Variants in TLN1 observed in about 807,000 individuals in gnomAD.
TLN1 encodes the protein talin 1.
Under a neutral mutation model 292.3 loss-of-function variants are expected in TLN1, and 56 were observed. The ratio of observed to expected loss-of-function variants is 0.19; its 90% CI spans 0.15 to 0.24. TLN1 has a LOEUF of 0.24. TLN1 is among the 10% of genes least tolerant of loss of function. The pLI, the probability that TLN1 is intolerant of heterozygous loss-of-function variation, is 1.00. For synonymous variants in TLN1, 1,119 were observed against 1,253.7 expected, an observed-to-expected ratio of 0.89 and a Z score of 2.27; for missense variants, 2,433 against 3,248.2, an observed-to-expected ratio of 0.75 and a Z score of 6.10.
Position 35,699,611 on chromosome 9 carries a change from C to T in TLN1, c.6769-150G>A, listed in dbSNP as rs1380907308. ...ACTCCACGCTGCCTATCCAAGTACA[C>T]ATCATGCATCACACCTCACACGTGA... On this transcript the variant is annotated intron_variant, in intron 50 of 56. Transcript: ENST00000314888. This position sits in a 1 kb window ranked among gnomAD's most constrained non-coding sequence, Gnocchi z 4.0. 2.1e-6 allele frequency: 3 copies of T among 1,426,578 alleles called. No individual in the cohort carries two copies. In the East Asian group the frequency reaches 7.6e-5, roughly 36 times the overall value. 88.4% of individuals were successfully genotyped at this position (1,426,578 alleles called of 1,614,324 possible). A position where few individuals can be genotyped will look rare whatever the true frequency, so the allele number is the denominator to read the frequency against.
chr9:35,706,941 T>C lies in TLN1; in HGVS notation c.4956-41A>G, dbSNP rs1377247425. ...GGGCTCCAACACCAAGAACATCCCC[T>C]ACTGCAAGGCCAGCCTATCCTTCCC... On this transcript the variant is annotated intron_variant, in intron 37 of 56. Transcript: ENST00000314888. The surrounding 1 kb of genome is among the most constrained non-coding windows in gnomAD (Gnocchi z 4.2). 5.6e-6 allele frequency: 9 copies of C among 1,611,126 alleles called. No homozygotes were observed. Among genetic ancestry groups the C allele is most frequent in the African/African-American group, 1.3e-5 (1 of 74,760 alleles).
In TLN1 at chr9:35,724,893, T is replaced by C; in HGVS notation, c.295A>G (p.Thr99Ala). 1 of 1,614,186 alleles carries C rather than the reference T, an allele frequency of 6.2e-7. No individual in the cohort carries two copies. Among genetic ancestry groups the C allele is most frequent in the Non-Finnish European group, 8.5e-7 (1 of 1,180,030 alleles). ...GTCTTAGAGTCATCCACCATGATCG[T>C]CTTCACAGTTCCATCCAGCATACGG... is the stretch of plus-strand genomic sequence containing the variant. ...KIRMLDGTVK[T>A]IMVDDSKTVT... The change falls in exon 4 of 57, where the codon ACG becomes GCG. Residue 99 changes from threonine (T) to alanine (A), a missense_variant. Thr to Ala is a moderately conservative substitution (Grantham distance 58). This residue lies in a region of TLN1 where 155 missense variants were observed against 287.9 expected (regional missense o/e 0.54). Transcript: ENST00000314888. This position sits in a 1 kb window ranked among gnomAD's most constrained non-coding sequence, Gnocchi z 4.7.
rs1377431215 is a variant in TLN1, at chr9:35,719,475, C to A, written c.1687+44G>T. ...ACATGCATGCCTGTGCACACTTGCA[C>A]CCCCTCTCCCCATCACACACCCGGA... On this transcript the variant is annotated intron_variant, in intron 15 of 56. Transcript: ENST00000314888. The surrounding 1 kb of genome is among the most constrained non-coding windows in gnomAD (Gnocchi z 4.6). 4 of 1,553,746 alleles carry A rather than the reference C, an allele frequency of 2.6e-6. No individual in the cohort carries two copies. In the Admixed American group the frequency reaches 6.7e-5, roughly 26 times the overall value.
In TLN1 at chr9:35,703,906, T is replaced by C; in HGVS notation, c.6232-6A>G. The C allele has an allele frequency of 6.2e-7, 1 of 1,614,090 alleles. No individual in the cohort carries two copies. On this transcript the variant is annotated splice_polypyrimidine_tract_variant and splice_region_variant and intron_variant, in intron 46 of 56. Transcript: ENST00000314888. ...ACTGCGTTGATTAGTACCACCTGTG[T>C]GGGAAAGCGTTGGCTCTGGTCTATG...
Position 35,719,671 on chromosome 9 carries a change from T to C in TLN1, c.1579-44A>G. 1 of 1,612,618 alleles carries C rather than the reference T, an allele frequency of 6.2e-7. No individual in the cohort carries two copies. The highest frequency in any genetic ancestry group is 8.5e-7 in the Non-Finnish European group (1 of 1,178,672). On this transcript the variant is annotated intron_variant, in intron 14 of 56. Transcript: ENST00000314888. This position sits in a 1 kb window ranked among gnomAD's most constrained non-coding sequence, Gnocchi z 4.6. Reference sequence around the variant, plus strand: ...GCCTTCAGGATCTGCCCTGGTTTGGTTCACCTCATCCCTATCCCTTGGAGT... The same window carrying C: ...GCCTTCAGGATCTGCCCTGGTTTGGCTCACCTCATCCCTATCCCTTGGAGT...
In TLN1 at chr9:35,725,210, G is replaced by T; in HGVS notation, c.228+14C>A. ...GGAAGGGGATGTGGTGGTCCTTGAT[G>T]AAAGGATACTTACCCCATTTCGGAG... On this transcript the variant is annotated intron_variant, in intron 3 of 56. Transcript: ENST00000314888. 6.2e-7 allele frequency: 1 copy of T among 1,613,590 alleles called. No homozygotes were observed. The highest frequency in any genetic ancestry group is 8.5e-7 in the Non-Finnish European group (1 of 1,179,538).
rs1472915637 is a variant in TLN1 at position 35,720,796 on chromosome 9, G to A, written c.1206+16C>T. On this transcript the variant is annotated intron_variant, in intron 11 of 56. Transcript: ENST00000314888. ...CAAGAGGCGATAAGGAGAAGGCTAG[G>A]GCAGGCAGTGCTCACCTTCTTCAGG... The A allele has an allele frequency of 6.2e-7, 1 of 1,608,752 alleles. No homozygotes were observed. Among genetic ancestry groups the A allele is most frequent in the Non-Finnish European group, 8.5e-7 (1 of 1,175,184 alleles).
chr9:35,718,027 G>A (rs909029467), intron 17 of TLN1, among the ~76,000 whole-genome samples: 27 of 152,156 alleles, frequency 1.8e-4, no homozygotes, highest in Admixed American at 1.5e-3. Flanking sequence ...CACATGAGGC[G>A]GATACACTCG....
intron 1 of TLN1, among the ~76,000 whole-genome samples, chr9:35,727,768 C>T (rs1011310584): frequency 7.2e-5 from 11 of 152,144 alleles, no homozygotes; most frequent in African/African-American, 2.7e-4. Flanking sequence ...GCATGTCTCC[C>T]CCCATTTCCT....
In TLN1 at chr9:35,713,188, C is replaced by A; in HGVS notation, c.3352+8G>T. On this transcript the variant is annotated splice_region_variant and intron_variant, in intron 26 of 56. Coordinates refer to ENST00000314888, the MANE Select transcript of TLN1 (RefSeq NM_006289.4). ...ATATGCCCCATGCCTGGCTCTCTGC[C>A]CACATACCTGCATAATTCTCATTGC... 6.3e-7 allele frequency: 1 copy of A among 1,590,418 alleles called. No individual in the cohort carries two copies.
At position 35,712,838 on chromosome 9, in the gene TLN1, G is replaced by C. The variant is rs1028717411; in HGVS notation, c.3558C>G (p.Ala1186=). Residue 1186 remains alanine, a synonymous_variant, in exon 27 of 57, where the codon GCC becomes GCG. Coordinates refer to ENST00000314888, the MANE Select transcript of TLN1 (RefSeq NM_006289.4). ...TGGCCCTTTCCCAGTATCTGACCTG[G>C]GCAAGCCGCTGCTGGCTCTCAGGGT... ...PGDPESQQRL[A]QVAKAVTQAL... The C allele has an allele frequency of 1.9e-6, 3 of 1,574,146 alleles. No homozygotes were observed. The highest frequency in any genetic ancestry group is 2.3e-5 in the East Asian group (1 of 43,004).
intron 17 of TLN1, among the ~76,000 whole-genome samples, 174 bp downstream of exon 17, chr9:35,718,638 T>C (rs779438020): frequency 2.0e-5 from 3 of 152,222 alleles, no homozygotes; most frequent in Admixed American, 6.5e-5. Flanking sequence ...TCAGGGGTTC[T>C]GAATTCTAAC....
At chr9:35,711,506 G>T in intron 29 of TLN1, 89 bp downstream of exon 29, 1 of 1,603,924 alleles carries the variant, frequency 6.2e-7, no homozygotes, top group Non-Finnish European at 8.5e-7. Context: ...AGGGAAGGGA[G>T]CCAGGAGCAA....
In TLN1 at chr9:35,717,040, G is replaced by T; in HGVS notation, c.2458+106C>A. The T allele has an allele frequency of 7.6e-7, 1 of 1,317,128 alleles. No homozygotes were observed. The allele number at this position is 1,317,128 out of a possible 1,614,324, so 81.6% of individuals were successfully genotyped here. A position where few individuals can be genotyped will look rare whatever the true frequency, so the allele number is the denominator to read the frequency against. ...TGTGTGGCTGGCAAGCCCACACTGTGCTGAGTTCCTTGGGGTGAAGTGGTT... is the reference window on the plus strand; with the variant it reads ...TGTGTGGCTGGCAAGCCCACACTGTTCTGAGTTCCTTGGGGTGAAGTGGTT... On this transcript the variant is annotated intron_variant, in intron 19 of 56. Transcript: ENST00000314888. The surrounding 1 kb of genome is among the most constrained non-coding windows in gnomAD (Gnocchi z 4.7).
Position 35,704,391 on chromosome 9 carries a change from G to C in TLN1, c.5988C>G (p.Ile1996Met). 6.2e-7 allele frequency: 1 copy of C among 1,614,238 alleles called. No homozygotes were observed. The highest frequency in any genetic ancestry group is 8.5e-7 in the Non-Finnish European group (1 of 1,180,042). Reference sequence around the variant, plus strand: ...TGAGCGTGCCAGCAGTGGCGAACATGATGGTGGTGTCGAGGTCAGCAATGA... The same window carrying C: ...TGAGCGTGCCAGCAGTGGCGAACATCATGGTGGTGTCGAGGTCAGCAATGA... Reference protein sequence around the residue: ...SGIIADLDTTIMFATAGTLNR... With the variant: ...SGIIADLDTTMMFATAGTLNR... Residue 1996 changes from isoleucine to methionine, a missense_variant, in exon 45 of 57, where the codon ATC (isoleucine) becomes ATG (methionine). Physicochemically the swap from Ile to Met is conservative, Grantham distance 10. Around this residue, in one of 7 missense-constraint regions of TLN1, gnomAD observed 1,384 missense variants for 1,699.6 expected, o/e 0.81. Coordinates refer to ENST00000314888, the MANE Select transcript of TLN1 (RefSeq NM_006289.4). The surrounding 1 kb of genome is among the most constrained non-coding windows in gnomAD (Gnocchi z 6.9).
Position 35,700,043 on chromosome 9 carries a change from C to A in TLN1, c.6699G>T (p.Arg2233=). ...AYHPEVAPDV[R]LRALHYGREC... ...CCCGGCCATAGTGCAGGGCTCGAAG[C>A]CGCACATCAGGGGCCACTTCTGGGT... is the stretch of plus-strand genomic sequence containing the variant. The change falls in exon 50 of 57, where the codon CGG becomes CGT. Residue 2233 remains arginine, a synonymous_variant. Coordinates refer to ENST00000314888, the MANE Select transcript of TLN1 (RefSeq NM_006289.4). 1 of 1,613,466 alleles carries A rather than the reference C, an allele frequency of 6.2e-7. No individual in the cohort carries two copies. The highest frequency in any genetic ancestry group is 8.5e-7 in the Non-Finnish European group (1 of 1,179,576).
intron 1 of TLN1, among the ~76,000 whole-genome samples, chr9:35,728,150 A>T (rs1376269361): frequency 6.6e-6 from 1 of 152,168 alleles, no homozygotes; most frequent in Admixed American, 6.6e-5. Flanking sequence ...GAGGGGGGGA[A>T]TGGAGGACAG....
At position 35,697,680 on chromosome 9, in the gene TLN1, C is replaced by T. The variant is rs1014152998; in HGVS notation, c.*111G>A. 3 of 1,492,134 alleles carry T rather than the reference C, an allele frequency of 2.0e-6. No individual in the cohort carries two copies. Among genetic ancestry groups the T allele is most frequent in the Admixed American group, 2.0e-5 (1 of 49,912 alleles). The allele number at this position is 1,492,134 out of a possible 1,614,324, so 92.4% of individuals were successfully genotyped here. A position where few individuals can be genotyped will look rare whatever the true frequency, so the allele number is the denominator to read the frequency against. ...GGGCCAGGCCCTGGGGTTTGGCAGG[C>T]ACTTTGGGGAGTGCTGGGGTTGGGC... On this transcript the variant is annotated 3_prime_UTR_variant, in exon 57 of 57. Transcript: ENST00000314888.
chr9:35,725,837 G>T, intron 1 of TLN1, 110 bp from the exon 2 acceptor site: 2 of 878,694 alleles, frequency 2.3e-6, no homozygotes, highest in South Asian at 3.6e-5. Flanking sequence ...CACCAAAGTA[G>T]ATGGTAATAA....
Sources: allele counts gnomAD v4.1 joint callset (sites outside exome capture counted in the v4.1 genomes callset), GRCh38; gene constraint gnomAD v4.1.1; regional missense constraint gnomAD v4.1.1; non-coding constraint Gnocchi (gnomAD v3.1); transcripts MANE v1.5; gene names NCBI Gene and HGNC (gene_info 2026-07-23, HGNC 2026-07-21).